The following PGGT1B variants were observed in gnomAD, a reference collection of about 807,000 sequenced individuals.
The protein encoded by PGGT1B is protein geranylgeranyltransferase type I subunit beta, also known as geranylgeranyl transferase type-1 subunit beta.
A neutral mutation model predicts 46.1 loss-of-function variants in PGGT1B; 30 were observed. The observed-to-expected ratio is 0.65, with a 90% CI of 0.49 to 0.88. The LOEUF (loss-of-function observed/expected upper bound fraction) is 0.88, where lower values mean the gene tolerates loss of function less well. Among genes scored for constraint, PGGT1B ranks in the 40% least tolerant of loss-of-function variants. The pLI, the probability that PGGT1B is intolerant of heterozygous loss-of-function variation, is 0.00. For missense variants in PGGT1B, 376 were observed against 455.9 expected (o/e 0.82, Z 1.60); for synonymous variants, 170 against 160.0 (o/e 1.06, Z -0.47).
chr5:115,230,904 A>G, intron 6 of PGGT1B, 72 bp downstream of exon 6: 1 of 897,810 alleles, frequency 1.1e-6, no homozygotes, highest in Non-Finnish European at 1.8e-6. Context: ...GAGGTTCTCC[A>G]TACTGAAGAC....
At chr5:115,250,864 G>A (rs1048918475) in intron 2 of PGGT1B, among the ~76,000 whole-genome samples, 45 of 152,092 alleles carry the variant, frequency 3.0e-4, no homozygotes, top group African/African-American at 1.1e-3. Context: ...TGTAAAAATG[G>A]AACTATATAC....
intron 6 of PGGT1B, among the ~76,000 whole-genome samples, chr5:115,224,672 C>T (rs1443868847): frequency 6.6e-6 from 1 of 151,930 alleles, no homozygotes; most frequent in East Asian, 1.9e-4. Context: ...GAGTTCGAGA[C>T]CAGCCTGGGC....
In PGGT1B at chr5:115,204,450, G is replaced by A. The variant is rs1756004308; in HGVS notation, c.*7952C>T. The A allele has an allele frequency of 1.3e-5, 2 of 152,042 alleles. No individual in the cohort carries two copies. Among genetic ancestry groups the A allele is most frequent in the Non-Finnish European group, 2.9e-5 (2 of 68,026 alleles). 9.4% of individuals were successfully genotyped at this position (152,042 alleles called of 1,614,324 possible). On this transcript the variant is annotated 3_prime_UTR_variant, in exon 9 of 9. Transcript: ENST00000419445. ...CATTATTCTGATTTCACTCTCAAAG[G>A]CATACAGTTGGCATTAATTCATACA...
chr5:115,216,731 T>C (rs41296569), intron 8 of PGGT1B, 134 bp downstream of exon 8: 6,796 of 662,758 alleles, frequency 0.01, 54 homozygotes, highest in Middle Eastern at 0.015. Flanking sequence ...TTACACAATA[T>C]ACCTTTTAAA....
At chr5:115,251,794 G>A (rs905536964) in intron 2 of PGGT1B, among the ~76,000 whole-genome samples, 2 of 151,746 alleles carry the variant, frequency 1.3e-5, no homozygotes, top group African/African-American at 4.8e-5. Flanking sequence ...TACCATGTAA[G>A]ATACATTTCT....
chr5:115,254,573 G>A (rs920945988), intron 1 of PGGT1B, among the ~76,000 whole-genome samples: 2 of 150,500 alleles, frequency 1.3e-5, no homozygotes, highest in African/African-American at 2.5e-5. Context: ...CCAACTTTAG[G>A]AGAGATGAGA....
rs1174004104 is a variant in PGGT1B at position 115,262,738 on chromosome 5, C to T, written c.114G>A (p.Glu38=). The T allele has an allele frequency of 6.2e-7, 1 of 1,612,362 alleles. No individual in the cohort carries two copies. The highest frequency in any genetic ancestry group is 8.5e-7 in the Non-Finnish European group (1 of 1,179,154). The change falls in exon 1 of 9, where the codon GAG becomes GAA. Residue 38 remains glutamate (E), a synonymous_variant. Coordinates refer to ENST00000419445, the MANE Select transcript of PGGT1B (RefSeq NM_005023.4). ...TGCTTGTCTCGAGTGAAGAATAGCG[C>T]TCCGGCAAAACCTGGAGGCAGCGCT... ...FFQRCLQVLP[E]RYSSLETSRL...
At position 115,208,895 on chromosome 5, in the gene PGGT1B, G is replaced by A. The variant is rs903182741; in HGVS notation, c.*3507C>T. ...AATATTAGGTTTTTATCTGTCTTGT[G>A]GTCATGTCCTTCCGGTGTGCTTTCA... On this transcript the variant is annotated 3_prime_UTR_variant, in exon 9 of 9. Transcript: ENST00000419445. 1 of 151,660 alleles carries A rather than the reference G, an allele frequency of 6.6e-6. No homozygotes were observed. Among genetic ancestry groups the A allele is most frequent in the Non-Finnish European group, 1.5e-5 (1 of 67,868 alleles). The allele number at this position is 151,660 out of a possible 1,614,324, so 9.4% of individuals were successfully genotyped here.
In PGGT1B at chr5:115,243,311, G is replaced by A. The variant is rs143616772; in HGVS notation, c.260-1705C>T. 3.3e-3 allele frequency among the ~76,000 whole-genome samples: 500 copies of A among 152,298 alleles called. 2 individuals are homozygous for A. Among genetic ancestry groups the A allele is most frequent in the African/African-American group, 0.011 (471 of 41,558 alleles). On this transcript the variant is annotated intron_variant, in intron 2 of 8. Coordinates refer to ENST00000419445, the MANE Select transcript of PGGT1B (RefSeq NM_005023.4). ...GTGAAAATCTAGAAGCACCATAAAA[G>A]TCCAGCAGGTTAAGCATATCATGCC...
intron 7 of PGGT1B, among the ~76,000 whole-genome samples, chr5:115,219,907 T>C (rs1459649409): frequency 2.0e-5 from 3 of 151,846 alleles, no homozygotes; most frequent in East Asian, 3.8e-4. Context: ...AGGATGGCTA[T>C]TATATTAATA....
Position 115,208,365 on chromosome 5 carries a change from T to G in PGGT1B, c.*4037A>C, listed in dbSNP as rs1001552435. Reference sequence around the variant, plus strand: ...TTAAAAGGTTTGGTAGAAATCCCCTTGAAACAATCTGGGCTTGATGCTTCT... The same window carrying G: ...TTAAAAGGTTTGGTAGAAATCCCCTGGAAACAATCTGGGCTTGATGCTTCT... On this transcript the variant is annotated 3_prime_UTR_variant, in exon 9 of 9. Coordinates refer to ENST00000419445, the MANE Select transcript of PGGT1B (RefSeq NM_005023.4). 2.0e-4 allele frequency: 30 copies of G among 152,096 alleles called. 2 individuals are homozygous for G. Among genetic ancestry groups the G allele is most frequent in the Admixed American group, 2.0e-3 (30 of 15,250 alleles). 9.4% of individuals were successfully genotyped at this position (152,096 alleles called of 1,614,324 possible). A position where few individuals can be genotyped will look rare whatever the true frequency, so the allele number is the denominator to read the frequency against.
At chr5:115,234,298 T>G (rs897071469) in intron 5 of PGGT1B, among the ~76,000 whole-genome samples, 3 of 150,112 alleles carry the variant, frequency 2.0e-5, no homozygotes, top group African/African-American at 7.3e-5. Flanking sequence ...CAATAAGAAA[T>G]GTAAGAAAGA....
Position 115,245,066 on chromosome 5 carries a change from T to A in PGGT1B, c.260-3460A>T, listed in dbSNP as rs74530244. Among the ~76,000 whole-genome samples, 959 of 152,280 alleles carry A rather than the reference T, an allele frequency of 6.3e-3. 4 individuals are homozygous for A. Among genetic ancestry groups the A allele is most frequent in the Middle Eastern group, 0.014 (4 of 294 alleles). On this transcript the variant is annotated intron_variant, in intron 2 of 8. Transcript: ENST00000419445. ...CAAGTTACTAATCTGCTAACAGTCC[T>A]CCATAAAAATGTGATCCCATTTCTA...
rs147818587 is a variant in PGGT1B at position 115,253,836 on chromosome 5, T to C, written c.141-581A>G. Among the ~76,000 whole-genome samples the C allele has an allele frequency of 6.7e-3, 1,023 of 152,086 alleles. 25 individuals are homozygous for C. Among genetic ancestry groups the C allele is most frequent in the Admixed American group, 0.052 (791 of 15,274 alleles). ...AGCATTCTTTGGCAGAATGAAAAAC[T>C]ATAGAGCAAAACCTTCCCCCTCTGA... On this transcript the variant is annotated intron_variant, in intron 1 of 8. Transcript: ENST00000419445.
At chr5:115,250,960 T>A (rs182337809) in intron 2 of PGGT1B, among the ~76,000 whole-genome samples, 10 of 152,318 alleles carry the variant, frequency 6.6e-5, no homozygotes, top group African/African-American at 2.2e-4. Context: ...CCCATTACTG[T>A]ATTATTTTCC....
chr5:115,257,530 CAAAAAAAAA>C (rs1169870044), intron 1 of PGGT1B, among the ~76,000 whole-genome samples: 1 of 72,114 alleles, frequency 1.4e-5, no homozygotes, highest in East Asian at 4.3e-4. Flanking sequence ...AACTCCATCT[CAAAAAAAAA>C]AAAAAAAAAA....
At chr5:115,230,489 T>C (rs923104549) in intron 6 of PGGT1B, among the ~76,000 whole-genome samples, 1 of 152,098 alleles carries the variant, frequency 6.6e-6, no homozygotes, top group Non-Finnish European at 1.5e-5. Context: ...GAAAAAAACA[T>C]GAAAGAAAAG....
chr5:115,242,462 G>C (rs1460777757), intron 2 of PGGT1B, among the ~76,000 whole-genome samples: 1 of 152,146 alleles, frequency 6.6e-6, no homozygotes, highest in Non-Finnish European at 1.5e-5. Flanking sequence ...ACCTTCATAA[G>C]AGATTATGAC....
chr5:115,254,601 CTTT>C (rs57405842), intron 1 of PGGT1B, among the ~76,000 whole-genome samples: 2 of 143,282 alleles, frequency 1.4e-5, no homozygotes, highest in Non-Finnish European at 1.5e-5. Flanking sequence ...GATTTCTTCT[CTTT>C]TTTTTTTTTT....
Sources: gnomAD v4.1 joint callset for allele counts (sites outside exome capture counted in the v4.1 genomes callset) on GRCh38, gnomAD v4.1.1 for gene constraint, MANE v1.5 for transcripts, NCBI Gene and HGNC (gene_info 2026-07-23, HGNC 2026-07-21) for gene names.